PITPNM2: variants seen among roughly 807,000 people sequenced by gnomAD.
PITPNM2 encodes the protein phosphatidylinositol transfer protein membrane associated 2, also known as membrane-associated phosphatidylinositol transfer protein 2.
A neutral mutation model predicts 132.2 loss-of-function variants in PITPNM2; 35 were observed. The observed-to-expected ratio is 0.26, with a 90% CI of 0.20 to 0.35. PITPNM2 has a LOEUF of 0.35. Ranked by LOEUF, PITPNM2 falls within the 10% of genes least tolerant of loss-of-function variation. The pLI is 1.00. For synonymous variants in PITPNM2, 738 were observed against 799.2 expected (o/e 0.92, Z 1.29); for missense variants, 1,332 against 1,912.0 (o/e 0.70, Z 5.66).
chr12:123,005,412 G>C lies in PITPNM2; in HGVS notation c.780C>G (p.Phe260Leu). 1 of 1,614,162 alleles carries C rather than the reference G, an allele frequency of 6.2e-7. No individual in the cohort carries two copies. The highest frequency in any genetic ancestry group is 8.5e-7 in the Non-Finnish European group (1 of 1,180,024). Residue 260 changes from phenylalanine to leucine, a missense_variant, in exon 7 of 26, where the codon TTC (phenylalanine) becomes TTG (leucine). By Grantham distance (22) the Phe-to-Leu change is conservative. Transcript: ENST00000320201. This position sits in a 1 kb window ranked among gnomAD's most constrained non-coding sequence, Gnocchi z 6.2. ...CAGTGGCCTCCTCACCATCCTCATTGAACTGGGCCATCTTACGGGAAAGCA... is the reference window on the plus strand; with the variant it reads ...CAGTGGCCTCCTCACCATCCTCATTCAACTGGGCCATCTTACGGGAAAGCA... ...QLMLSRKMAQ[F>L]NEDGEEATEL...
rs1362800052 is a variant in PITPNM2, at chr12:123,150,826, C to T, written c.-273G>A. 6.8e-6 allele frequency among the ~76,000 whole-genome samples: 1 copy of T among 146,502 alleles called. No homozygotes were observed. Among genetic ancestry groups the T allele is most frequent in the African/African-American group, 2.4e-5 (1 of 40,858 alleles). On this transcript the variant is annotated 5_prime_UTR_variant, in exon 1 of 26. The change creates a new upstream start codon in the 5' untranslated region. Transcript: ENST00000320201. The surrounding 1 kb of genome is among the most constrained non-coding windows in gnomAD (Gnocchi z 6.0). ...GCCGCCGCCACCTCACGCCGCCTCA[C>T]GGGGAGCGCCCGCCCCGCGGCCCCG...
At chr12:123,141,670 C>T (rs2043509816) in intron 1 of PITPNM2, among the ~76,000 whole-genome samples, 1 of 152,202 alleles carries the variant, frequency 6.6e-6, no homozygotes, top group African/African-American at 2.4e-5. Flanking sequence ...AGCCACTGGC[C>T]TGAACCCTGC....
At chr12:123,098,089 A>G (rs556244689) in intron 2 of PITPNM2, among the ~76,000 whole-genome samples, 32 of 152,262 alleles carry the variant, frequency 2.1e-4, no homozygotes, top group African/African-American at 7.7e-4. Flanking sequence ...GCCTCACAGA[A>G]AGCAGGTCAC....
intron 11 of PITPNM2, 70 bp downstream of exon 11, chr12:122,997,255 C>G: frequency 3.1e-6 from 5 of 1,594,154 alleles, no homozygotes; most frequent in Non-Finnish European, 4.3e-6. Flanking sequence ...TGGGGAGCCA[C>G]CTGAGGCCCA....
At chr12:123,110,890 A>G (rs749246426) in intron 1 of PITPNM2, among the ~76,000 whole-genome samples, 1 of 152,202 alleles carries the variant, frequency 6.6e-6, no homozygotes, top group Non-Finnish European at 1.5e-5. Context: ...AAAATGAGGT[A>G]ATGCAGGAAG....
At chr12:123,055,356 T>C (rs867294641) in intron 2 of PITPNM2, among the ~76,000 whole-genome samples, 2 of 152,172 alleles carry the variant, frequency 1.3e-5, no homozygotes, top group African/African-American at 4.8e-5. Context: ...CCATGAAATA[T>C]GAGCTCTTTC....
At chr12:123,046,444 T>C (rs1459182306) in intron 2 of PITPNM2, among the ~76,000 whole-genome samples, 4 of 152,234 alleles carry the variant, frequency 2.6e-5, no homozygotes, top group Non-Finnish European at 5.9e-5. Context: ...AAGTATTTTA[T>C]TGTGATATAA....
At chr12:122,986,917 T>C (rs2037960321) in intron 23 of PITPNM2, 88 bp from the exon 24 acceptor site, 26 of 1,413,214 alleles carry the variant, frequency 1.8e-5, no homozygotes, top group South Asian at 1.8e-4. Context: ...CTTGGGCCAT[T>C]GGAAAGCACA....
At chr12:123,144,483 G>C (rs573041577) in intron 1 of PITPNM2, among the ~76,000 whole-genome samples, 2 of 152,332 alleles carry the variant, frequency 1.3e-5, no homozygotes, top group African/African-American at 4.8e-5. Context: ...CCAGGCCAGA[G>C]TGCAGGGGCA....
chr12:123,010,106 T>C, intron 5 of PITPNM2, 29 bp from the exon 6 acceptor site: 1 of 1,566,888 alleles, frequency 6.4e-7, no homozygotes, highest in Admixed American at 1.7e-5. Flanking sequence ...AGTGGCCACT[T>C]CTGCCCTGAC....
intron 2 of PITPNM2, among the ~76,000 whole-genome samples, chr12:123,069,286 G>A (rs1196482555): frequency 2.6e-5 from 4 of 151,616 alleles, no homozygotes; most frequent in Non-Finnish European, 4.4e-5. Flanking sequence ...ATTCCTATGC[G>A]CTGCTCCCAG....
Position 122,986,550 on chromosome 12 carries a change from C to T in PITPNM2, c.3612G>A (p.Val1204=). 6.3e-7 allele frequency: 1 copy of T among 1,597,516 alleles called. No individual in the cohort carries two copies. The highest frequency in any genetic ancestry group is 8.6e-7 in the Non-Finnish European group (1 of 1,169,534). The change falls in exon 25 of 26, where the codon GTG becomes GTA. Residue 1204 remains valine (V), a synonymous_variant. Transcript: ENST00000320201. ...KLLISELHLR[V]HAAYGSTKDV... Reference sequence around the variant, plus strand: ...CCTTGGTGGAGCCATAGGCCGCGTGCACGCGCAGGTGCAGCTGTGGGGAGA... The same window carrying T: ...CCTTGGTGGAGCCATAGGCCGCGTGTACGCGCAGGTGCAGCTGTGGGGAGA...
intron 2 of PITPNM2, among the ~76,000 whole-genome samples, chr12:123,096,596 A>C (rs1335905185): frequency 6.6e-6 from 1 of 152,168 alleles, no homozygotes; most frequent in Non-Finnish European, 1.5e-5. Flanking sequence ...AGGTGTGAGG[A>C]AGGAGCAGAG....
At chr12:123,139,454 T>C (rs537880267) in intron 1 of PITPNM2, among the ~76,000 whole-genome samples, 56 of 149,910 alleles carry the variant, frequency 3.7e-4, no homozygotes, top group African/African-American at 1.2e-3. Flanking sequence ...TGAGGCGAGA[T>C]CGTGCCACTG....
chr12:123,131,214 G>C (rs2043255185), intron 1 of PITPNM2, among the ~76,000 whole-genome samples: 1 of 152,204 alleles, frequency 6.6e-6, no homozygotes, highest in Non-Finnish European at 1.5e-5. Flanking sequence ...CACTGGAGTA[G>C]AGTGAGCCCT....
At chr12:123,066,862 C>A (rs768333042) in intron 2 of PITPNM2, among the ~76,000 whole-genome samples, 7 of 152,184 alleles carry the variant, frequency 4.6e-5, no homozygotes, top group Non-Finnish European at 1.0e-4. Context: ...TTGCTGATGA[C>A]AGGGCCTGAG....
At chr12:123,151,807 AG>A (rs1171514580), upstream of PITPNM2, among the ~76,000 whole-genome samples, 1 of 152,210 alleles carries the variant, frequency 6.6e-6, no homozygotes, top group African/African-American at 2.4e-5. Context: ...CAAAATCTGA[AG>A]TCATGGAACT....
intron 2 of PITPNM2, among the ~76,000 whole-genome samples, chr12:123,061,352 G>A (rs117379455): frequency 0.029 from 4,406 of 152,332 alleles, 88 homozygotes; most frequent in Middle Eastern, 0.044. Context: ...AGCTCTGTGA[G>A]GGCAGCCAAC....
At chr12:123,145,510 C>T (rs1477304846) in intron 1 of PITPNM2, among the ~76,000 whole-genome samples, 1 of 152,198 alleles carries the variant, frequency 6.6e-6, no homozygotes, top group Non-Finnish European at 1.5e-5. Flanking sequence ...AGACCCCTTT[C>T]CACAATAGAG....
Sources: allele counts gnomAD v4.1 joint callset (sites outside exome capture counted in the v4.1 genomes callset), GRCh38; gene constraint gnomAD v4.1.1; non-coding constraint Gnocchi (gnomAD v3.1); transcripts MANE v1.5; gene names NCBI Gene and HGNC (gene_info 2026-07-23, HGNC 2026-07-21).